The following ADGRL1 variants were observed in gnomAD, a reference collection of about 807,000 sequenced individuals.
The protein encoded by ADGRL1 is CIRL-1.
In ADGRL1, 31 loss-of-function variants were observed where a neutral mutation model predicts 148.9. That is an observed-to-expected ratio of 0.21 (90% CI 0.16 to 0.28). The LOEUF is 0.28. Among genes scored for constraint, ADGRL1 ranks in the 10% least tolerant of loss-of-function variants. The pLI is 1.00. For missense variants in ADGRL1, 1,521 were observed against 2,058.8 expected (o/e 0.74, Z 5.05); for synonymous variants, 937 against 900.3 (o/e 1.04, Z -0.73).
chr19:14,195,243 T>TGTTC, intron 1 of ADGRL1, among the ~76,000 whole-genome samples: 1 of 152,168 alleles, frequency 6.6e-6, no homozygotes, highest in South Asian at 2.1e-4. Context: ...CCTGCCTGTA[T>TGTTC]GTTCGCATCT....
At chr19:14,195,439 T>C (rs529843942) in intron 1 of ADGRL1, among the ~76,000 whole-genome samples, 18 of 119,648 alleles carry the variant, frequency 1.5e-4, no homozygotes, top group East Asian at 2.8e-4. Flanking sequence ...CTCTGCGTGC[T>C]CGAGTGGGTG....
At position 14,151,105 on chromosome 19, in the gene ADGRL1, G is replaced by T. The variant is rs781360971; in HGVS notation, c.4178C>A (p.Pro1393Gln). The T allele has an allele frequency of 6.5e-7, 1 of 1,549,586 alleles. No homozygotes were observed. Among genetic ancestry groups the T allele is most frequent in the Non-Finnish European group, 8.7e-7 (1 of 1,150,070 alleles). ...ACTGGGCCCCTCAGGGCTGCTGTCCGGGTAGGAGGGTGAGTCCCGCAGGTT... is the reference window on the plus strand; with the variant it reads ...ACTGGGCCCCTCAGGGCTGCTGTCCTGGTAGGAGGGTGAGTCCCGCAGGTT... ...GANLRDSPSYPDSSPEGPSEA... is the reference protein window; with the variant it reads ...GANLRDSPSYQDSSPEGPSEA... The change falls in exon 23 of 23, where the codon CCG (proline) becomes CAG (glutamine). Residue 1393 changes from proline (P) to glutamine (Q), a missense_variant. Pro to Gln is a moderately conservative substitution (Grantham distance 76). Around this residue, in one of 8 missense-constraint regions of ADGRL1, gnomAD observed 390 missense variants for 375.0 expected, o/e 1.04. Coordinates refer to ENST00000361434, the MANE Select transcript of ADGRL1 (RefSeq NM_014921.5).
chr19:14,191,842 C>T (rs936131210), intron 1 of ADGRL1, among the ~76,000 whole-genome samples: 1 of 152,046 alleles, frequency 6.6e-6, no homozygotes, highest in Non-Finnish European at 1.5e-5. Flanking sequence ...GCTACAGGTG[C>T]GTGCTCCTGT....
intron 1 of ADGRL1, among the ~76,000 whole-genome samples, chr19:14,204,716 G>GAAAGAC (rs1972854809): frequency 1.3e-4 from 2 of 15,010 alleles, no homozygotes; most frequent in Non-Finnish European, 2.5e-4. Context: ...GAGAGAGTGA[G>GAAAGAC]AGAGAGAGAG....
chr19:14,153,411 ATTTT>A (rs36035971), intron 18 of ADGRL1, among the ~76,000 whole-genome samples: 10 of 112,318 alleles, frequency 8.9e-5, no homozygotes, highest in African/African-American at 3.0e-4. Flanking sequence ...GCAGGTTGTG[ATTTT>A]TTTTTTTTTT....
In ADGRL1 at chr19:14,159,650, T is replaced by C; in HGVS notation, c.1840-66A>G. 6.3e-7 allele frequency: 1 copy of C among 1,591,964 alleles called. No homozygotes were observed. The highest frequency in any genetic ancestry group is 1.7e-5 in the Admixed American group (1 of 59,840). On this transcript the variant is annotated intron_variant, in intron 9 of 22. Transcript: ENST00000361434. This position sits in a 1 kb window ranked among gnomAD's most constrained non-coding sequence, Gnocchi z 6.0. ...CCCTCTAATTCCTGGGGGTGGGCTC[T>C]GCATGCCCTCTTCTCAACCTCCACC...
At chr19:14,177,952 T>C (rs571950840) in intron 2 of ADGRL1, among the ~76,000 whole-genome samples, 1 of 152,262 alleles carries the variant, frequency 6.6e-6, no homozygotes, top group African/African-American at 2.4e-5. Flanking sequence ...GTGCCTGGAC[T>C]CTCAGCTCCT....
chr19:14,154,021 G>A (rs575913264), intron 18 of ADGRL1, among the ~76,000 whole-genome samples: 249 of 152,096 alleles, frequency 1.6e-3, no homozygotes, highest in African/African-American at 5.3e-3. Context: ...AGGTAAGAAC[G>A]GGGGCTGCAC....
chr19:14,157,611 C>T lies in ADGRL1; in HGVS notation c.2536-151G>A. Reference sequence around the variant, plus strand: ...CTGGCAGCCCTCACCCCTCTGCACGCAGCAATGCGCTCACTTCCTCATGCT... The same window carrying T: ...CTGGCAGCCCTCACCCCTCTGCACGTAGCAATGCGCTCACTTCCTCATGCT... On this transcript the variant is annotated intron_variant, in intron 13 of 22. Transcript: ENST00000361434. This position sits in a 1 kb window ranked among gnomAD's most constrained non-coding sequence, Gnocchi z 7.5. 1 of 789,648 alleles carries T rather than the reference C, an allele frequency of 1.3e-6. No homozygotes were observed. The highest frequency in any genetic ancestry group is 1.7e-5 in the African/African-American group (1 of 57,610). 48.9% of individuals were successfully genotyped at this position (789,648 alleles called of 1,614,324 possible).
intron 4 of ADGRL1, among the ~76,000 whole-genome samples, chr19:14,166,562 C>CAGAG (rs370519604): frequency 4.7e-5 from 7 of 148,076 alleles, no homozygotes; most frequent in East Asian, 3.9e-4. Context: ...AGGGGAGAGA[C>CAGAG]AGAGAGAGAG....
rs1446443828 is a variant in ADGRL1, at chr19:14,148,830, C to G, written c.*2043G>C. On this transcript the variant is annotated 3_prime_UTR_variant, in exon 23 of 23. Transcript: ENST00000361434. ...TTCTCCCCTAATTGATGGGGACAAG[C>G]CAGCCCCAGCTCCCCGGGAGAAGGG... 1.3e-5 allele frequency: 2 copies of G among 152,704 alleles called. No individual in the cohort carries two copies. Among genetic ancestry groups the G allele is most frequent in the Non-Finnish European group, 2.9e-5 (2 of 68,124 alleles). 9.5% of individuals were successfully genotyped at this position (152,704 alleles called of 1,614,324 possible).
intron 4 of ADGRL1, among the ~76,000 whole-genome samples, chr19:14,167,748 G>A (rs1431283377): frequency 6.6e-6 from 1 of 151,778 alleles, no homozygotes; most frequent in East Asian, 1.9e-4. Context: ...CAGGGTTGGG[G>A]AGACGGAGGC....
At chr19:14,181,755 C>T (rs758421455) in intron 2 of ADGRL1, among the ~76,000 whole-genome samples, 10 of 152,218 alleles carry the variant, frequency 6.6e-5, no homozygotes, top group African/African-American at 1.4e-4. Context: ...GAACAGCCAC[C>T]GTTCTTCTTT....
chr19:14,184,637 TATTTATTTA>T (rs1315769345), intron 1 of ADGRL1, among the ~76,000 whole-genome samples: 37 of 135,394 alleles, frequency 2.7e-4, no homozygotes, highest in East Asian at 2.0e-3. Context: ...TTTATTTATT[TATTTATTTA>T]TTTTTTTTTC....
intron 3 of ADGRL1, among the ~76,000 whole-genome samples, chr19:14,172,695 G>A (rs920566680): frequency 1.3e-5 from 2 of 152,234 alleles, no homozygotes; most frequent in East Asian, 1.9e-4. Flanking sequence ...AGCCGAGATC[G>A]CACCGCTGTA....
In ADGRL1 at chr19:14,166,983, G is replaced by C. The variant is rs750649304; in HGVS notation, c.395-3577C>G. 1.8e-5 allele frequency: 29 copies of C among 1,609,490 alleles called. No individual in the cohort carries two copies. The East Asian group carries it at 6.2e-4, about 35-fold the overall frequency. On this transcript the variant is annotated intron_variant, in intron 4 of 22. Transcript: ENST00000361434. ...ATGGTACAGGTAGAACAAAGTGTGA[G>C]TTAGGGGTTAGCATTGGTAACAGTG...
rs759598833 is a variant in ADGRL1 at position 14,162,702 on chromosome 19, C to T, written c.1099G>A (p.Val367Ile). ...TGGTTGTCGCGAGGGTTGTAGTCAACGGAGGAGATGAACTGGTAGGGGTTG... is the reference window on the plus strand; with the variant it reads ...TGGTTGTCGCGAGGGTTGTAGTCAATGGAGGAGATGAACTGGTAGGGGTTG... ...FPNPYQFISS[V>I]DYNPRDNQLY... The change falls in exon 5 of 23, where the codon GTT (valine) becomes ATT (isoleucine). Residue 367 changes from valine (V) to isoleucine (I), a missense_variant. Physicochemically the swap from Val to Ile is conservative, Grantham distance 29. Around this residue, in one of 8 missense-constraint regions of ADGRL1, gnomAD observed 270 missense variants for 320.4 expected, o/e 0.84. Transcript: ENST00000361434. This position sits in a 1 kb window ranked among gnomAD's most constrained non-coding sequence, Gnocchi z 5.4. 9.3e-6 allele frequency: 15 copies of T among 1,614,000 alleles called. No individual in the cohort carries two copies. In the East Asian group the frequency reaches 1.1e-4, roughly 12 times the overall value.
At chr19:14,201,595 A>T (rs536251078) in intron 1 of ADGRL1, among the ~76,000 whole-genome samples, 9 of 151,982 alleles carry the variant, frequency 5.9e-5, no homozygotes, top group South Asian at 2.1e-4. Context: ...TAAAAAAAAA[A>T]TTTTAGAAAC....
In ADGRL1 at chr19:14,183,558, G is replaced by A. The variant is rs938651069; in HGVS notation, c.45C>T (p.Ala15=). The A allele has an allele frequency of 4.4e-6, 7 of 1,583,508 alleles. No individual in the cohort carries two copies. The highest frequency in any genetic ancestry group is 2.3e-5 in the East Asian group (1 of 43,252). ...AAVLWNLCVT[A]VLVTSATQGL... ...CTTGGGTGGCCGAGGTGACCAGGACGGCGGTGACACACAGATTCCAGAGCA... is the reference window on the plus strand; with the variant it reads ...CTTGGGTGGCCGAGGTGACCAGGACAGCGGTGACACACAGATTCCAGAGCA... The change falls in exon 2 of 23, where the codon GCC becomes GCT. Residue 15 remains alanine (A), a synonymous_variant. Transcript: ENST00000361434.
Sources: allele counts gnomAD v4.1 joint callset (sites outside exome capture counted in the v4.1 genomes callset), GRCh38; gene constraint gnomAD v4.1.1; regional missense constraint gnomAD v4.1.1; non-coding constraint Gnocchi (gnomAD v3.1); transcripts MANE v1.5; gene names NCBI Gene and HGNC (gene_info 2026-07-23, HGNC 2026-07-21).